The following UTP18 variants were observed in gnomAD, a reference collection of about 807,000 sequenced individuals.
UTP18 encodes the protein UTP18 small subunit processome component.
In UTP18, 36 loss-of-function variants were observed where a neutral mutation model predicts 61.1. That is an observed-to-expected ratio of 0.59 (90% CI 0.45 to 0.78). UTP18 has a LOEUF of 0.78. Among genes scored for constraint, UTP18 ranks in the 30% least tolerant of loss-of-function variants. UTP18 has a pLI of 0.00. For synonymous variants in UTP18, 282 were observed against 251.1 expected, an observed-to-expected ratio of 1.12 and a Z score of -1.16; for missense variants, 753 against 693.9, an observed-to-expected ratio of 1.09 and a Z score of -0.96.
Position 51,280,009 on chromosome 17 carries a change from G to C in UTP18, c.1017G>C (p.Leu339Phe), listed in dbSNP as rs1248263791. 6.2e-7 allele frequency: 1 copy of C among 1,611,100 alleles called. No homozygotes were observed. Among genetic ancestry groups the C allele is most frequent in the African/African-American group, 1.3e-5 (1 of 74,856 alleles). The part of the protein sequence containing the change: ...KLIPVHQVRG[L>F]KEKIVRSFEV... ...TTGCTTCATTTCCTATTTTAGGTTT[G>C]AAAGAGAAGATAGTGAGGAGCTTTG... The change falls in exon 8 of 14, where the codon TTG (leucine) becomes TTC (phenylalanine). Residue 339 changes from leucine to phenylalanine, a missense_variant. Leu to Phe is a conservative substitution (Grantham distance 22). Transcript: ENST00000225298.
chr17:51,263,410 G>A, intron 2 of UTP18, 24 bp downstream of exon 2: 2 of 1,553,860 alleles, frequency 1.3e-6, no homozygotes, highest in Non-Finnish European at 1.8e-6. Context: ...CTTTTCTTCT[G>A]AATCCCTCTG....
intron 12 of UTP18, among the ~76,000 whole-genome samples, chr17:51,295,073 G>A (rs1315173240): frequency 3.9e-5 from 6 of 151,910 alleles, no homozygotes; most frequent in Non-Finnish European, 8.8e-5. Flanking sequence ...AAATTTGTTT[G>A]AGTTCATTGT....
At chr17:51,271,688 G>A (rs1316430117) in intron 4 of UTP18, among the ~76,000 whole-genome samples, 1 of 152,012 alleles carries the variant, frequency 6.6e-6, no homozygotes, top group African/African-American at 2.4e-5. Context: ...ATTATTTTTT[G>A]AGTTAGTCTT....
intron 4 of UTP18, 85 bp downstream of exon 4, chr17:51,268,989 A>G: frequency 7.2e-7 from 1 of 1,382,442 alleles, no homozygotes; most frequent in Non-Finnish European, 1.0e-6. Flanking sequence ...GAGGCTCATT[A>G]AAACCTGGCA....
rs748096404 is a variant in UTP18 at position 51,276,016 on chromosome 17, A to G, written c.837+25A>G. ...GGTATGCATCTTTATTTACTTATTT[A>G]TTTCTAATGCATTATTTTTATTTAA... On this transcript the variant is annotated intron_variant, in intron 6 of 13. Transcript: ENST00000225298. 5 of 1,578,954 alleles carry G rather than the reference A, an allele frequency of 3.2e-6. No homozygotes were observed. In the South Asian group the frequency reaches 3.6e-5, roughly 11 times the overall value.
In UTP18 at chr17:51,273,262, A is replaced by G. The variant is rs1013246566; in HGVS notation, c.623-100A>G. 6 of 753,652 alleles carry G rather than the reference A, an allele frequency of 8.0e-6. No homozygotes were observed. In the East Asian group the frequency reaches 9.4e-5, roughly 12 times the overall value. The allele number at this position is 753,652 out of a possible 1,614,324, so 46.7% of individuals were successfully genotyped here. A position where few individuals can be genotyped will look rare whatever the true frequency, so the allele number is the denominator to read the frequency against. ...AGCAATTGAGGTAGGGAGGCTGGAA[A>G]GGGAGTTGATGTTGAAAATATATTC... is the stretch of plus-strand genomic sequence containing the variant. On this transcript the variant is annotated intron_variant, in intron 4 of 13. Coordinates refer to ENST00000225298, the MANE Select transcript of UTP18 (RefSeq NM_016001.3).
Position 51,288,053 on chromosome 17 carries a change from A to C in UTP18, c.1353A>C (p.Ile451=). Residue 451 remains isoleucine, a synonymous_variant, in exon 11 of 14, where the codon ATA becomes ATC. Coordinates refer to ENST00000225298, the MANE Select transcript of UTP18 (RefSeq NM_016001.3). ...ACGSNCGVVN[I]YNQDSCLQET... ...GTTCTAATTGTGGAGTGGTAAATATATACAATCAAGATTCTTGTCTCCAAG... is the reference window on the plus strand; with the variant it reads ...GTTCTAATTGTGGAGTGGTAAATATCTACAATCAAGATTCTTGTCTCCAAG... 1 of 1,595,250 alleles carries C rather than the reference A, an allele frequency of 6.3e-7. No individual in the cohort carries two copies. Among genetic ancestry groups the C allele is most frequent in the African/African-American group, 1.4e-5 (1 of 73,832 alleles).
rs1380556065 is a variant in UTP18 at position 51,296,960 on chromosome 17, T to C, written c.1647-5T>C. On this transcript the variant is annotated splice_region_variant and splice_polypyrimidine_tract_variant and intron_variant, in intron 12 of 13. Transcript: ENST00000225298. The stretch of plus-strand genomic sequence containing the variant: ...GTTCAGATGACTTATTTTTTACTTT[T>C]CCAGGTTGCACCATTACTCAGACTT... 2 of 1,606,230 alleles carry C rather than the reference T, an allele frequency of 1.2e-6. No individual in the cohort carries two copies. Among genetic ancestry groups the C allele is most frequent in the East Asian group, 2.3e-5 (1 of 44,390 alleles).
intron 4 of UTP18, among the ~76,000 whole-genome samples, chr17:51,273,063 T>C (rs1904580130): frequency 6.6e-6 from 1 of 152,258 alleles, no homozygotes; most frequent in Non-Finnish European, 1.5e-5. Context: ...CTTTAAACTT[T>C]TATTTCACTT....
At chr17:51,294,595 A>G (rs1022653463) in intron 12 of UTP18, among the ~76,000 whole-genome samples, 3 of 151,964 alleles carry the variant, frequency 2.0e-5, no homozygotes, top group East Asian at 1.9e-4. Flanking sequence ...AATCCAGTCT[A>G]TCATTGTTGG....
chr17:51,288,910 T>C (rs1482414599), intron 11 of UTP18, among the ~76,000 whole-genome samples: 1 of 152,138 alleles, frequency 6.6e-6, no homozygotes, highest in East Asian at 1.9e-4. Context: ...TGTAACAACA[T>C]GTGTTAAGTG....
chr17:51,290,461 G>T (rs73337638), intron 11 of UTP18, among the ~76,000 whole-genome samples: 1,987 of 152,232 alleles, frequency 0.013, 47 homozygotes, highest in African/African-American at 0.046. Context: ...GAAAAAGAGT[G>T]TGAAAATTAC....
chr17:51,265,134 T>G (rs1180924541), intron 2 of UTP18, among the ~76,000 whole-genome samples: 5 of 152,372 alleles, frequency 3.3e-5, no homozygotes, highest in Middle Eastern at 3.4e-3. Flanking sequence ...CATAGAAGTT[T>G]TGAATTTTTA....
At chr17:51,271,419 A>G (rs1598476862) in intron 4 of UTP18, among the ~76,000 whole-genome samples, 1 of 150,866 alleles carries the variant, frequency 6.6e-6, no homozygotes, top group African/African-American at 2.4e-5. Flanking sequence ...CAATCCTCCC[A>G]CCTCAGCCTC....
rs543163394 is a variant in UTP18 at position 51,260,640 on chromosome 17, C to G, written c.56C>G (p.Pro19Arg). Residue 19 changes from proline to arginine, a missense_variant, in exon 1 of 14, where the codon CCG becomes CGG. Physicochemically the swap from Pro to Arg is moderately radical, Grantham distance 103. Coordinates refer to ENST00000225298, the MANE Select transcript of UTP18 (RefSeq NM_016001.3). ...CTGGACCGGAGAACCGGAGCGAAGCCGAAGCGGAAGCCCGGAATGAGGCCG... is the reference window on the plus strand; with the variant it reads ...CTGGACCGGAGAACCGGAGCGAAGCGGAAGCGGAAGCCCGGAATGAGGCCG... ...MKLDRRTGAK[P>R]KRKPGMRPDW... The G allele has an allele frequency of 7.4e-6, 12 of 1,612,438 alleles. No individual in the cohort carries two copies. Among genetic ancestry groups the G allele is most frequent in the Non-Finnish European group, 1.0e-5 (12 of 1,179,712 alleles).
rs1387097699 is a variant in UTP18, at chr17:51,263,272, A to C, written c.343-2A>C. The stretch of plus-strand genomic sequence containing the variant: ...TGCTTGAGGGTGTTTTGTCTGCTGT[A>C]GGTTCAAGAACATGAAGACTCGGGT... On this transcript the variant is annotated splice_acceptor_variant, in intron 1 of 13. Transcript: ENST00000225298. LOFTEE classifies it high-confidence loss of function. 1 of 1,613,642 alleles carries C rather than the reference A, an allele frequency of 6.2e-7. No homozygotes were observed. Among genetic ancestry groups the C allele is most frequent in the South Asian group, 1.1e-5 (1 of 91,054 alleles).
At chr17:51,290,299 C>T (rs1905209841) in intron 11 of UTP18, among the ~76,000 whole-genome samples, 1 of 151,922 alleles carries the variant, frequency 6.6e-6, no homozygotes, top group African/African-American at 2.4e-5. Context: ...GTCTGTAATC[C>T]CAGCTACTCA....
At position 51,297,816 on chromosome 17, in the gene UTP18, A is replaced by C; in HGVS notation, c.*49A>C. 2.6e-6 allele frequency: 1 copy of C among 387,462 alleles called. No homozygotes were observed. Among genetic ancestry groups the C allele is most frequent in the South Asian group, 1.9e-5 (1 of 51,282 alleles). 24.0% of individuals were successfully genotyped at this position (387,462 alleles called of 1,614,324 possible). ...AGTCACAAGAGAAGCCTGTCTTGAT[A>C]TATCATCTCAGAAACTTTCCTGAAT... On this transcript the variant is annotated 3_prime_UTR_variant, in exon 14 of 14. Coordinates refer to ENST00000225298, the MANE Select transcript of UTP18 (RefSeq NM_016001.3).
Position 51,296,969 on chromosome 17 carries a change from C to T in UTP18, c.1651C>T (p.His551Tyr). The change falls in exon 13 of 14, where the codon CAC (histidine) becomes TAC (tyrosine). Residue 551 changes from histidine to tyrosine, a missense_variant. Physicochemically the swap from His to Tyr is moderately conservative, Grantham distance 83 (BLOSUM62 2). Transcript: ENST00000225298. Reference protein sequence around the residue: ...EKGKALMYRLHHYSDF With the variant: ...EKGKALMYRLYHYSDF ...ACTTATTTTTTACTTTTCCAGGTTG[C>T]ACCATTACTCAGACTTCTAAAGAGA... The T allele has an allele frequency of 1.2e-6, 2 of 1,605,822 alleles. No individual in the cohort carries two copies. The highest frequency in any genetic ancestry group is 1.1e-5 in the South Asian group (1 of 89,634).
Sources: allele counts gnomAD v4.1 joint callset (sites outside exome capture counted in the v4.1 genomes callset), GRCh38; gene constraint gnomAD v4.1.1; transcripts MANE v1.5; gene names NCBI Gene and HGNC (gene_info 2026-07-23, HGNC 2026-07-21).